TENM3: variants seen among roughly 807,000 people sequenced by gnomAD.
The protein encoded by TENM3 is teneurin-3.
TENM3 carries 63 observed loss-of-function variants against 255.1 expected under a neutral mutation model. The observed-to-expected ratio is 0.25, with a 90% CI of 0.20 to 0.30. The LOEUF (loss-of-function observed/expected upper bound fraction) is 0.30, where lower values mean the gene tolerates loss of function less well. TENM3 is among the 10% of genes least tolerant of loss of function. TENM3 has a pLI of 1.00. For missense variants in TENM3, 2,929 were observed against 3,461.1 expected, an observed-to-expected ratio of 0.85 and a Z score of 3.86; for synonymous variants, 1,306 against 1,322.3, an observed-to-expected ratio of 0.99 and a Z score of 0.27.
the TENM3 span, among the ~76,000 whole-genome samples, chr4:182,122,150 T>C: frequency 0.2 from 30,631 of 152,200 alleles, 3,963 homozygotes; most frequent in Non-Finnish European, 0.3. Context: ...TCCACTTCTA[T>C]TTCTCTTTAA....
intron 1 of TENM3, among the ~76,000 whole-genome samples, chr4:182,195,945 G>A (rs990979125): frequency 6.6e-6 from 1 of 152,162 alleles, no homozygotes; most frequent in Non-Finnish European, 1.5e-5. Flanking sequence ...CCTGCAAGCA[G>A]CTTGTAGGTT....
the TENM3 span, among the ~76,000 whole-genome samples, chr4:182,110,626 A>G: frequency 6.6e-6 from 1 of 152,190 alleles, no homozygotes; most frequent in Admixed American, 6.5e-5. Flanking sequence ...GCGCTGGACC[A>G]GTAGCTCTTT....
intron 13 of TENM3, among the ~76,000 whole-genome samples, chr4:182,724,141 C>T (rs1037601900): frequency 4.6e-5 from 7 of 152,040 alleles, no homozygotes; most frequent in Admixed American, 1.3e-4. Context: ...TATTATTCAG[C>T]GGGTTTTGAG....
chr4:182,414,243 G>A (rs1770207747), intron 3 of TENM3, among the ~76,000 whole-genome samples: 1 of 152,146 alleles, frequency 6.6e-6, no homozygotes, highest in Admixed American at 6.5e-5. Flanking sequence ...ATTGTGGTGA[G>A]TGGACTTTTT....
chr4:182,420,367 G>A (rs181455038), intron 3 of TENM3, among the ~76,000 whole-genome samples: 1 of 152,294 alleles, frequency 6.6e-6, no homozygotes, highest in African/African-American at 2.4e-5. Context: ...AGCGACTCCA[G>A]TCATCCATAG....
At chr4:182,578,756 C>T (rs1745191038) in intron 3 of TENM3, among the ~76,000 whole-genome samples, 1 of 152,152 alleles carries the variant, frequency 6.6e-6, no homozygotes, top group African/African-American at 2.4e-5. Context: ...AAATCAGGTA[C>T]AGATTCTTCC....
At chr4:182,227,012 A>G (rs1218743825) in intron 1 of TENM3, among the ~76,000 whole-genome samples, 1 of 152,096 alleles carries the variant, frequency 6.6e-6, no homozygotes, top group Non-Finnish European at 1.5e-5. Context: ...GTCTTAACTC[A>G]TCCTTTCTGC....
At chr4:182,591,751 A>G (rs1746673386) in intron 3 of TENM3, among the ~76,000 whole-genome samples, 1 of 152,158 alleles carries the variant, frequency 6.6e-6, no homozygotes, top group Admixed American at 6.5e-5. Flanking sequence ...TGTGAAAGTG[A>G]TTTTCTGAGT....
At chr4:181,852,071 C>T in the TENM3 span, among the ~76,000 whole-genome samples, 2 of 152,132 alleles carry the variant, frequency 1.3e-5, no homozygotes, top group East Asian at 3.9e-4. Context: ...CACGTCTTTC[C>T]AGCCAAACCA....
the TENM3 span, among the ~76,000 whole-genome samples, chr4:181,748,428 C>T: frequency 7.2e-5 from 11 of 151,932 alleles, no homozygotes; most frequent in Non-Finnish European, 1.2e-4. Flanking sequence ...AATAATAGAA[C>T]ATAGAAAAGA....
the TENM3 span, among the ~76,000 whole-genome samples, chr4:181,740,581 A>G: frequency 1.3e-5 from 2 of 152,176 alleles, no homozygotes; most frequent in Non-Finnish European, 2.9e-5. Flanking sequence ...AGAAAAAGCA[A>G]ATGGTGAAAA....
intron 1 of TENM3, among the ~76,000 whole-genome samples, chr4:182,186,622 A>G (rs918563914): frequency 6.6e-6 from 1 of 150,904 alleles, no homozygotes; most frequent in African/African-American, 2.4e-5. Context: ...CACACAGCCA[A>G]TGTATTGACT....
the TENM3 span, among the ~76,000 whole-genome samples, chr4:182,096,783 T>G: frequency 0.2 from 30,045 of 152,090 alleles, 3,279 homozygotes; most frequent in Non-Finnish European, 0.24. Flanking sequence ...CAGAGGAACA[T>G]GTTGAACTGC....
intron 12 of TENM3, among the ~76,000 whole-genome samples, chr4:182,693,249 T>C (rs540552705): frequency 6.6e-6 from 1 of 152,274 alleles, no homozygotes; most frequent in East Asian, 1.9e-4. Flanking sequence ...TGTAAGATAA[T>C]AAAAAAGGTA....
intron 1 of TENM3, among the ~76,000 whole-genome samples, chr4:182,319,824 A>C (rs1323408080): frequency 1.3e-5 from 2 of 152,190 alleles, no homozygotes; most frequent in Non-Finnish European, 2.9e-5. Flanking sequence ...TTGAAGATCC[A>C]AATGGGGCCG....
At chr4:182,395,662 T>C (rs945652640) in intron 3 of TENM3, among the ~76,000 whole-genome samples, 1 of 152,198 alleles carries the variant, frequency 6.6e-6, no homozygotes, top group Non-Finnish European at 1.5e-5. Flanking sequence ...GAAGGATAAA[T>C]GCATATGCTT....
At chr4:182,346,323 T>C (rs1431715252) in intron 2 of TENM3, among the ~76,000 whole-genome samples, 1 of 152,132 alleles carries the variant, frequency 6.6e-6, no homozygotes, top group African/African-American at 2.4e-5. Context: ...ACAAGTCTGC[T>C]AAACAAAATT....
At chr4:182,295,169 A>T (rs1375758189) in intron 1 of TENM3, among the ~76,000 whole-genome samples, 13 of 152,102 alleles carry the variant, frequency 8.5e-5, no homozygotes, top group Non-Finnish European at 1.3e-4. Context: ...CTGGAAAGAT[A>T]AAAAGTGATA....
chr4:181,722,321 C>G, the TENM3 span, among the ~76,000 whole-genome samples: 1 of 152,112 alleles, frequency 6.6e-6, no homozygotes, highest in Non-Finnish European at 1.5e-5. Context: ...GGTGAAACTC[C>G]TAGGTGAAAT....
Sources: gnomAD v4.1 joint callset for allele counts (sites outside exome capture counted in the v4.1 genomes callset) on GRCh38, gnomAD v4.1.1 for gene constraint, MANE v1.5 for transcripts, NCBI Gene and HGNC (gene_info 2026-07-23, HGNC 2026-07-21) for gene names.